LEKR1: variants seen among roughly 807,000 people sequenced by gnomAD.
The protein encoded by LEKR1 is leucine, glutamate and lysine rich 1, also known as protein LEKR1.
In LEKR1, 59 loss-of-function variants were observed where a neutral mutation model predicts 72.4. The ratio of observed to expected loss-of-function variants is 0.82; its 90% CI spans 0.66 to 1.01. LEKR1 has a LOEUF of 1.01. Ranked by LOEUF, LEKR1 falls within the 50% of genes least tolerant of loss-of-function variation. The probability of loss-of-function intolerance (pLI) is 0.00; values close to 1 mark genes in which losing one functional copy is unlikely to be tolerated. For synonymous variants in LEKR1, 257 were observed against 263.2 expected, an observed-to-expected ratio of 0.98 and a Z score of 0.23; for missense variants, 728 against 759.2, an observed-to-expected ratio of 0.96 and a Z score of 0.48.
rs1576683228 is a variant in LEKR1, at chr3:156,861,948, T to C, written c.263+8966T>C. Among the ~76,000 whole-genome samples, 4 of 152,188 alleles carry C rather than the reference T, an allele frequency of 2.6e-5. No homozygotes were observed. The Middle Eastern group carries it at 0.014, about 518-fold the overall frequency. ...ACATACTATTTTCTTTTATTTCTTCTCTCCATGAACATGTGCAAACAGTAA... is the reference window on the plus strand; with the variant it reads ...ACATACTATTTTCTTTTATTTCTTCCCTCCATGAACATGTGCAAACAGTAA... On this transcript the variant is annotated intron_variant, in intron 3 of 12. Coordinates refer to ENST00000356539, the MANE Select transcript of LEKR1 (RefSeq NM_001004316.3).
intron 6 of LEKR1, among the ~76,000 whole-genome samples, chr3:156,962,769 C>T (rs1728237533): frequency 6.6e-6 from 1 of 152,176 alleles, no homozygotes; most frequent in African/African-American, 2.4e-5. Context: ...TCATCTGAGA[C>T]TCCTTTCTCT....
chr3:157,024,670 A>G (rs556152700), intron 10 of LEKR1, 90 bp from the exon 11 acceptor site: 1 of 956,996 alleles, frequency 1.0e-6, no homozygotes, highest in East Asian at 2.7e-5. Context: ...TAATGTCAGA[A>G]CATTTTAAAA....
At chr3:156,842,743 A>T (rs1259121498) in intron 2 of LEKR1, among the ~76,000 whole-genome samples, 1 of 152,212 alleles carries the variant, frequency 6.6e-6, no homozygotes, top group Non-Finnish European at 1.5e-5. Context: ...GAAGGCTAAG[A>T]TTGTTAAAGC....
At chr3:156,990,164 T>C (rs780546049) in intron 7 of LEKR1, among the ~76,000 whole-genome samples, 3 of 152,156 alleles carry the variant, frequency 2.0e-5, no homozygotes, top group Non-Finnish European at 2.9e-5. Context: ...CTCACACTTT[T>C]TAAAAATAAA....
At chr3:156,962,536 G>A (rs1295212343) in intron 6 of LEKR1, among the ~76,000 whole-genome samples, 1 of 152,160 alleles carries the variant, frequency 6.6e-6, no homozygotes, top group African/African-American at 2.4e-5. Flanking sequence ...CATTTGAAAT[G>A]TGAGTCTTAT....
intron 12 of LEKR1, among the ~76,000 whole-genome samples, chr3:157,035,400 C>T (rs1408497270): frequency 3.9e-5 from 6 of 152,110 alleles, no homozygotes; most frequent in African/African-American, 1.4e-4. Context: ...GGCAGAATAC[C>T]AGGGGTTTAC....
At chr3:157,019,717 C>T (rs1027824821) in intron 10 of LEKR1, among the ~76,000 whole-genome samples, 2 of 152,116 alleles carry the variant, frequency 1.3e-5, no homozygotes, top group Admixed American at 1.3e-4. Context: ...TTTAAATTAT[C>T]AGCTCCTATC....
chr3:156,982,854 T>TGTAG, intron 7 of LEKR1, among the ~76,000 whole-genome samples: 2 of 123,902 alleles, frequency 1.6e-5, no homozygotes, highest in Middle Eastern at 7.5e-3. Context: ...TGTGTGTGTG[T>TGTAG]GTAGATAGAT....
intron 3 of LEKR1, among the ~76,000 whole-genome samples, chr3:156,875,581 T>G (rs1718457387): frequency 6.6e-6 from 1 of 152,226 alleles, no homozygotes; most frequent in African/African-American, 2.4e-5. Flanking sequence ...TTTTGGGTTC[T>G]TGGTCATGAA....
At chr3:156,840,979 C>A (rs1713830368) in intron 2 of LEKR1, among the ~76,000 whole-genome samples, 1 of 152,206 alleles carries the variant, frequency 6.6e-6, no homozygotes, top group Non-Finnish European at 1.5e-5. Context: ...CAAACAAAAT[C>A]TACACGAATC....
chr3:156,924,706 A>G (rs1724542595), intron 4 of LEKR1: 1 of 414,780 alleles, frequency 2.4e-6, no homozygotes, highest in Admixed American at 4.2e-5. Flanking sequence ...GTTAGAGGCC[A>G]ATTTTTCCTT....
intron 9 of LEKR1, among the ~76,000 whole-genome samples, chr3:156,997,754 G>A (rs893585222): frequency 6.6e-6 from 1 of 152,178 alleles, no homozygotes; most frequent in South Asian, 2.1e-4. Flanking sequence ...AGAAGAAAAC[G>A]ATGTAAAAAG....
At chr3:156,880,522 A>C (rs1177027351) in intron 3 of LEKR1, among the ~76,000 whole-genome samples, 2 of 152,210 alleles carry the variant, frequency 1.3e-5, no homozygotes, top group Non-Finnish European at 2.9e-5. Flanking sequence ...CTTACCAACC[A>C]AAAAGAGTCC....
chr3:156,908,812 TA>T (rs1722803653), intron 3 of LEKR1, among the ~76,000 whole-genome samples: 1 of 152,180 alleles, frequency 6.6e-6, no homozygotes, highest in Non-Finnish European at 1.5e-5. Context: ...TCTTGGGTCA[TA>T]ACACTAAGAA....
At chr3:156,980,922 T>C (rs1242776438) in intron 7 of LEKR1, among the ~76,000 whole-genome samples, 2 of 152,234 alleles carry the variant, frequency 1.3e-5, no homozygotes, top group Non-Finnish European at 1.5e-5. Flanking sequence ...ATATTCATGT[T>C]CTGCATAATG....
intron 3 of LEKR1, among the ~76,000 whole-genome samples, chr3:156,855,169 A>G (rs1415817055): frequency 3.3e-5 from 5 of 152,182 alleles, no homozygotes; most frequent in African/African-American, 1.2e-4. Flanking sequence ...AATTTCTAGA[A>G]GTGGAACTAC....
At chr3:156,859,095 A>T (rs185519423) in intron 3 of LEKR1, among the ~76,000 whole-genome samples, 1 of 152,342 alleles carries the variant, frequency 6.6e-6, no homozygotes, top group East Asian at 1.9e-4. Flanking sequence ...TCAAAAGTGT[A>T]CATAGTCTCC....
intron 2 of LEKR1, among the ~76,000 whole-genome samples, chr3:156,847,767 C>T (rs1714811313): frequency 6.6e-6 from 1 of 152,096 alleles, no homozygotes; most frequent in Non-Finnish European, 1.5e-5. Context: ...CTCTTGTGGA[C>T]CTATTATTTT....
intron 12 of LEKR1, among the ~76,000 whole-genome samples, chr3:157,044,352 A>G (rs1735589118): frequency 6.6e-6 from 1 of 152,234 alleles, no homozygotes; most frequent in Non-Finnish European, 1.5e-5. Context: ...TTACCATGGG[A>G]CTTGAAATAA....
Sources: allele counts gnomAD v4.1 joint callset (sites outside exome capture counted in the v4.1 genomes callset), GRCh38; gene constraint gnomAD v4.1.1; transcripts MANE v1.5; gene names NCBI Gene and HGNC (gene_info 2026-07-23, HGNC 2026-07-21).